POU2F1: variants seen among roughly 807,000 people sequenced by gnomAD.
POU2F1 encodes POU class 2 homeobox 1.
In POU2F1, 16 loss-of-function variants were observed where a neutral mutation model predicts 84.9. The observed-to-expected ratio is 0.19, with a 90% confidence interval of 0.13 to 0.29. POU2F1 has a LOEUF of 0.29. Among genes scored for constraint, POU2F1 ranks in the 10% least tolerant of loss-of-function variants. The pLI is 1.00. For missense variants in POU2F1, 738 were observed against 942.6 expected, an observed-to-expected ratio of 0.78 and a Z score of 2.84; for synonymous variants, 368 against 368.3, an observed-to-expected ratio of 1.00 and a Z score of 0.01.
chr1:167,264,951 A>G (rs548758992), intron 1 of POU2F1, among the ~76,000 whole-genome samples: 1 of 152,116 alleles, frequency 6.6e-6, no homozygotes, highest in Non-Finnish European at 1.5e-5. Flanking sequence ...TTTCTCACAG[A>G]TACCCATGTA....
chr1:167,225,015 G>A (rs540956756), intron 1 of POU2F1, among the ~76,000 whole-genome samples: 290 of 151,906 alleles, frequency 1.9e-3, no homozygotes, highest in African/African-American at 6.7e-3. Flanking sequence ...TTTTTGTAGA[G>A]GCGGGGTTTC....
intron 2 of POU2F1, among the ~76,000 whole-genome samples, chr1:167,356,296 T>C (rs2140763): frequency 0.71 from 107,603 of 150,744 alleles, 38,671 homozygotes; most frequent in East Asian, 0.87. Flanking sequence ...CCACCCTGCC[T>C]GGCCACAAAG....
chr1:167,248,687 G>A (rs1206192665), intron 1 of POU2F1, among the ~76,000 whole-genome samples: 1 of 152,152 alleles, frequency 6.6e-6, no homozygotes, highest in Non-Finnish European at 1.5e-5. Context: ...CGGTTGAGGG[G>A]AGTATGTTCC....
intron 1 of POU2F1, among the ~76,000 whole-genome samples, chr1:167,312,757 A>G (rs10918682): frequency 0.012 from 1,833 of 152,320 alleles, 65 homozygotes; most frequent in East Asian, 0.1. Flanking sequence ...TAGTCCTGCA[A>G]GTCCCATTCA....
At position 167,416,473 on chromosome 1, in the gene POU2F1, CTG is replaced by C. The variant is rs925377087; in HGVS notation, c.*666_*667del. 29 of 161,740 alleles carry C rather than the reference CTG, an allele frequency of 1.8e-4. No individual in the cohort carries two copies. Among genetic ancestry groups the C allele is most frequent in the Admixed American group, 1.3e-4 (2 of 15,946 alleles). 10.0% of individuals were successfully genotyped at this position (161,740 alleles called of 1,614,324 possible). ...GATCCTATTTCAGTGAGCTCCCACA[CTG>C]TGGGGAGGGAGGGTTTTGGGGTAAG... On this transcript the variant is annotated 3_prime_UTR_variant, in exon 16 of 16. Transcript: ENST00000367866.
intron 2 of POU2F1, among the ~76,000 whole-genome samples, chr1:167,348,831 T>C (rs993332117): frequency 6.6e-6 from 1 of 152,194 alleles, no homozygotes. Flanking sequence ...TCAAAACTCT[T>C]TGTACCTTTC....
chr1:167,238,451 T>G (rs963191283), intron 1 of POU2F1, among the ~76,000 whole-genome samples: 3 of 152,136 alleles, frequency 2.0e-5, no homozygotes, highest in Admixed American at 1.3e-4. Flanking sequence ...AGAAGGAAAC[T>G]TCTCTTCAGA....
chr1:167,340,435 T>C (rs1489762218), intron 2 of POU2F1, among the ~76,000 whole-genome samples: 1 of 143,618 alleles, frequency 7.0e-6, no homozygotes, highest in Non-Finnish European at 1.5e-5. Context: ...TTTTTTCTTT[T>C]TTTTTTTTTT....
chr1:167,358,436 T>C (rs539688905), intron 2 of POU2F1, among the ~76,000 whole-genome samples: 1 of 151,872 alleles, frequency 6.6e-6, no homozygotes, highest in East Asian at 1.9e-4. Context: ...TCTGGTTTTG[T>C]TGTTCTCTGG....
chr1:167,320,519 C>T (rs1013154777), intron 1 of POU2F1, among the ~76,000 whole-genome samples: 6 of 152,136 alleles, frequency 3.9e-5, no homozygotes, highest in Non-Finnish European at 8.8e-5. Flanking sequence ...TTTGTAAAAG[C>T]CTGTTGTATT....
intron 1 of POU2F1, among the ~76,000 whole-genome samples, chr1:167,227,148 C>CT (rs749625519): frequency 1.3e-5 from 2 of 151,874 alleles, no homozygotes; most frequent in African/African-American, 4.8e-5. Context: ...ATTATACTAA[C>CT]TTTTTTTTAA....
intron 1 of POU2F1, among the ~76,000 whole-genome samples, chr1:167,282,918 G>C (rs1653258593): frequency 6.6e-6 from 1 of 152,176 alleles, no homozygotes; most frequent in Non-Finnish European, 1.5e-5. Context: ...CTCTGTCTCT[G>C]TTTTCTCATA....
At chr1:167,252,681 A>C (rs1439674567) in intron 1 of POU2F1, among the ~76,000 whole-genome samples, 3 of 152,218 alleles carry the variant, frequency 2.0e-5, no homozygotes, top group Admixed American at 2.0e-4. Flanking sequence ...TGCAAACTCC[A>C]AACCAAAGAA....
At chr1:167,336,874 T>A (rs1657494952) in intron 2 of POU2F1, among the ~76,000 whole-genome samples, 1 of 151,454 alleles carries the variant, frequency 6.6e-6, no homozygotes, top group African/African-American at 2.4e-5. Flanking sequence ...ACTAAAAATA[T>A]AAAAAACTAA....
intron 1 of POU2F1, among the ~76,000 whole-genome samples, chr1:167,261,736 G>A (rs1651581800): frequency 6.6e-6 from 1 of 152,192 alleles, no homozygotes; most frequent in South Asian, 2.1e-4. Context: ...CTGGAGTGCA[G>A]TGGCACAATC....
At chr1:167,271,805 A>G (rs568925509) in intron 1 of POU2F1, among the ~76,000 whole-genome samples, 10 of 152,308 alleles carry the variant, frequency 6.6e-5, no homozygotes, top group South Asian at 6.2e-4. Context: ...TAGGCAAACA[A>G]TGGTCCTCAG....
At chr1:167,413,208 G>A (rs547202602) in intron 15 of POU2F1, 94 bp downstream of exon 15, 2 of 1,152,642 alleles carry the variant, frequency 1.7e-6, no homozygotes, top group Non-Finnish European at 2.6e-6. Context: ...AGAGATAGAG[G>A]AAGTCTGCTT....
chr1:167,347,143 T>C (rs571309998), intron 2 of POU2F1, among the ~76,000 whole-genome samples: 1 of 152,382 alleles, frequency 6.6e-6, no homozygotes, highest in Non-Finnish European at 1.5e-5. Context: ...AAATTTAGTC[T>C]ATTGGTAATT....
At chr1:167,375,533 C>G (rs1660269623) in intron 6 of POU2F1, among the ~76,000 whole-genome samples, 1 of 152,046 alleles carries the variant, frequency 6.6e-6, no homozygotes, top group Non-Finnish European at 1.5e-5. Context: ...TACTTTAGAA[C>G]ATGTGGAAAA....
Sources: allele counts gnomAD v4.1 joint callset (sites outside exome capture counted in the v4.1 genomes callset), GRCh38; gene constraint gnomAD v4.1.1; transcripts MANE v1.5; gene names NCBI Gene and HGNC (gene_info 2026-07-23, HGNC 2026-07-21).